VTI1A: variants seen among roughly 807,000 people sequenced by gnomAD.
The protein encoded by VTI1A is vesicle transport through interaction with t-SNAREs homolog 1A.
In VTI1A, 22 loss-of-function variants were observed where a neutral mutation model predicts 34.9. That is an observed-to-expected ratio of 0.63 (90% CI 0.45 to 0.90). The LOEUF (loss-of-function observed/expected upper bound fraction) is 0.90, where lower values mean the gene tolerates loss of function less well. VTI1A is among the 40% of genes least tolerant of loss of function. VTI1A has a pLI of 0.00. For missense variants in VTI1A, 268 were observed against 275.6 expected, an observed-to-expected ratio of 0.97 and a Z score of 0.20; for synonymous variants, 87 against 97.3, an observed-to-expected ratio of 0.89 and a Z score of 0.62.
intron 7 of VTI1A, among the ~76,000 whole-genome samples, chr10:112,679,452 A>G (rs892966065): frequency 6.6e-6 from 1 of 151,750 alleles, no homozygotes; most frequent in Non-Finnish European, 1.5e-5. Context: ...TATCTCTAAC[A>G]TTTTTGACAA....
intron 5 of VTI1A, among the ~76,000 whole-genome samples, chr10:112,601,246 A>G (rs1394318882): frequency 6.6e-6 from 1 of 152,130 alleles, no homozygotes; most frequent in Non-Finnish European, 1.5e-5. Flanking sequence ...CAGAGGCAGA[A>G]AAGTCCAAGA....
chr10:112,454,963 C>G (rs1847381832), intron 1 of VTI1A, among the ~76,000 whole-genome samples: 2 of 152,022 alleles, frequency 1.3e-5, no homozygotes, highest in South Asian at 4.2e-4. Context: ...ATGTTAAACA[C>G]AGAGCACCAT....
chr10:112,447,619 AG>A, intron 1 of VTI1A, 152 bp downstream of exon 1: 1 of 876,318 alleles, frequency 1.1e-6, no homozygotes, highest in Non-Finnish European at 1.7e-6. Context: ...GGCTTGGTTG[AG>A]GGTAAGGAGT....
In VTI1A at chr10:112,451,618, A is replaced by G. The variant is rs79349096; in HGVS notation, c.94+4151A>G. On this transcript the variant is annotated intron_variant, in intron 1 of 7. Coordinates refer to ENST00000393077, the MANE Select transcript of VTI1A (RefSeq NM_145206.4). ...AGGAGAGAAGTGAAAGTGGTGTCGG[A>G]CAAGGCAGGTGTCCTTTCTGGAAGG... Among the ~76,000 whole-genome samples, 554 of 152,328 alleles carry G rather than the reference A, an allele frequency of 3.6e-3. 4 individuals carry two copies. The highest frequency in any genetic ancestry group is 0.013 in the African/African-American group (536 of 41,566).
intron 7 of VTI1A, among the ~76,000 whole-genome samples, chr10:112,780,607 T>G (rs980247319): frequency 6.6e-6 from 1 of 152,200 alleles, no homozygotes; most frequent in Non-Finnish European, 1.5e-5. Context: ...GAGCTCAATA[T>G]GCATAATCTG....
At chr10:112,615,472 TA>T (rs1256159703) in intron 5 of VTI1A, among the ~76,000 whole-genome samples, 2 of 152,234 alleles carry the variant, frequency 1.3e-5, no homozygotes, top group Non-Finnish European at 2.9e-5. Context: ...ATTTAACACA[TA>T]TTTTTGAGGC....
chr10:112,500,467 AAG>A (rs1434396927), intron 3 of VTI1A, among the ~76,000 whole-genome samples: 8 of 152,286 alleles, frequency 5.3e-5, no homozygotes, highest in Non-Finnish European at 1.2e-4. Flanking sequence ...AGAAAAAAAA[AAG>A]AAAATTGTTG....
intron 7 of VTI1A, among the ~76,000 whole-genome samples, chr10:112,686,581 C>T (rs7085980): frequency 0.066 from 10,087 of 152,204 alleles, 1,135 homozygotes; most frequent in African/African-American, 0.23. Flanking sequence ...TGAATTCCGA[C>T]GTGCTAGTTT....
intron 3 of VTI1A, among the ~76,000 whole-genome samples, chr10:112,478,939 C>A (rs575569376): frequency 6.6e-6 from 1 of 152,052 alleles, no homozygotes; most frequent in East Asian, 1.9e-4. Context: ...GAGGCCGAGA[C>A]GGGCGGATCA....
intron 7 of VTI1A, among the ~76,000 whole-genome samples, chr10:112,703,293 C>T (rs565784059): frequency 2.1e-4 from 32 of 152,086 alleles, no homozygotes; most frequent in Non-Finnish European, 2.2e-4. Flanking sequence ...CTGGGCCAGG[C>T]GCAGTGGCTC....
chr10:112,531,118 C>T (rs1018335893), intron 4 of VTI1A, among the ~76,000 whole-genome samples: 15 of 150,454 alleles, frequency 1.0e-4, no homozygotes, highest in African/African-American at 2.9e-4. Context: ...CGCACGTGCG[C>T]GCGCGCGCAT....
At chr10:112,649,181 A>T (rs1015917631) in intron 5 of VTI1A, among the ~76,000 whole-genome samples, 3 of 152,120 alleles carry the variant, frequency 2.0e-5, no homozygotes, top group Non-Finnish European at 4.4e-5. Flanking sequence ...GGAGGGAAGG[A>T]CCCGGCAAGA....
intron 7 of VTI1A, among the ~76,000 whole-genome samples, chr10:112,798,618 T>C (rs1351393238): frequency 1.3e-5 from 2 of 152,184 alleles, no homozygotes; most frequent in Admixed American, 1.3e-4. Context: ...AAGGCCACAC[T>C]ACTCCTTGGC....
intron 5 of VTI1A, among the ~76,000 whole-genome samples, chr10:112,658,084 C>CTTTA (rs1590036725): frequency 6.6e-6 from 1 of 151,880 alleles, no homozygotes; most frequent in South Asian, 2.1e-4. Flanking sequence ...TGTTCTATTA[C>CTTTA]TTTATTTATT....
chr10:112,561,085 A>T (rs918451322), intron 5 of VTI1A, among the ~76,000 whole-genome samples: 1 of 152,106 alleles, frequency 6.6e-6, no homozygotes, highest in Non-Finnish European at 1.5e-5. Context: ...ATATTTTTTT[A>T]AAAAAAGAAT....
intron 3 of VTI1A, among the ~76,000 whole-genome samples, chr10:112,476,795 A>G (rs1161551576): frequency 6.6e-6 from 1 of 152,116 alleles, no homozygotes; most frequent in Non-Finnish European, 1.5e-5. Context: ...CCAGTGTCTC[A>G]TTTCTTTTTT....
chr10:112,512,330 G>A (rs1229011270), intron 3 of VTI1A, among the ~76,000 whole-genome samples: 1 of 152,160 alleles, frequency 6.6e-6, no homozygotes, highest in East Asian at 1.9e-4. Context: ...TCATATACCT[G>A]TTGGCTATTT....
At chr10:112,594,225 T>C (rs889426219) in intron 5 of VTI1A, among the ~76,000 whole-genome samples, 18 of 152,146 alleles carry the variant, frequency 1.2e-4, no homozygotes, top group Non-Finnish European at 1.8e-4. Context: ...TCTTTTAAAC[T>C]TGGTCACTTC....
chr10:112,613,328 TAGA>T (rs927399959), intron 5 of VTI1A, among the ~76,000 whole-genome samples: 37 of 152,364 alleles, frequency 2.4e-4, no homozygotes, highest in African/African-American at 8.4e-4. Flanking sequence ...CTTTGGCTCC[TAGA>T]ATTTTTATCC....
Sources: allele counts gnomAD v4.1 joint callset (sites outside exome capture counted in the v4.1 genomes callset), GRCh38; gene constraint gnomAD v4.1.1; transcripts MANE v1.5; gene names NCBI Gene and HGNC (gene_info 2026-07-23, HGNC 2026-07-21).